HLA-DRB5: variants seen among roughly 807,000 people sequenced by gnomAD.
HLA-DRB5 encodes major histocompatibility complex, class II, DR beta 5, also known as DR beta-5.
Under a neutral mutation model 22.4 loss-of-function variants are expected in HLA-DRB5, and 11 were observed. The ratio of observed to expected loss-of-function variants is 0.49; its 90% CI spans 0.31 to 0.81. HLA-DRB5 has a LOEUF of 0.81. Ranked by LOEUF, HLA-DRB5 falls within the 40% of genes least tolerant of loss-of-function variation. The pLI is 0.05. For synonymous variants in HLA-DRB5, 57 were observed against 106.0 expected, an observed-to-expected ratio of 0.54 and a Z score of 2.84; for missense variants, 106 against 274.4, an observed-to-expected ratio of 0.39 and a Z score of 4.34.
chr6:32,519,875 T>C (rs1297035691), intron 2 of HLA-DRB5, among the ~76,000 whole-genome samples: 3 of 99,148 alleles, frequency 3.0e-5, no homozygotes, highest in Admixed American at 2.3e-4. Context: ...TCTTCATCAC[T>C]TGAAATTGGG....
chr6:32,529,792 A>G (rs1401313401), intron 1 of HLA-DRB5, among the ~76,000 whole-genome samples: 15 of 144,586 alleles, frequency 1.0e-4, no homozygotes, highest in Admixed American at 8.3e-4. Flanking sequence ...GACATAGGTC[A>G]ACATAATAAA....
chr6:32,519,841 G>T (rs1281151897), intron 2 of HLA-DRB5, among the ~76,000 whole-genome samples, 190 bp from the exon 3 acceptor site: 27 of 74,234 alleles, frequency 3.6e-4, no homozygotes, highest in Middle Eastern at 6.1e-3. Flanking sequence ...TCAGATTTGA[G>T]AGATGTGAAA....
chr6:32,521,545 T>TC (rs1562431832), intron 2 of HLA-DRB5, among the ~76,000 whole-genome samples: 1 of 81,146 alleles, frequency 1.2e-5, no homozygotes, highest in Non-Finnish European at 2.5e-5. Context: ...CCTTACACTT[T>TC]CCTTCCCTGC....
At chr6:32,524,435 C>A (rs1769337133) in intron 1 of HLA-DRB5, among the ~76,000 whole-genome samples, 1 of 123,172 alleles carries the variant, frequency 8.1e-6, no homozygotes, top group Admixed American at 8.3e-5. Context: ...TTTCAGTCTC[C>A]CACTCCCAAC....
At chr6:32,529,044 TAG>T (rs1491019683) in intron 1 of HLA-DRB5, among the ~76,000 whole-genome samples, 3 of 111,784 alleles carry the variant, frequency 2.7e-5, no homozygotes, top group Non-Finnish European at 6.3e-5. Flanking sequence ...TGGGGAAAAA[TAG>T]AGAGAAACTG....
chr6:32,525,809 T>C (rs113857565), intron 1 of HLA-DRB5, among the ~76,000 whole-genome samples: 31,636 of 129,616 alleles, frequency 0.24, 509 homozygotes, highest in Admixed American at 0.3. Flanking sequence ...ACATGGCATA[T>C]ACTGATGGAG....
chr6:32,524,503 A>G (rs1398598480), intron 1 of HLA-DRB5, among the ~76,000 whole-genome samples: 1 of 95,236 alleles, frequency 1.1e-5, no homozygotes, highest in African/African-American at 3.7e-5. Flanking sequence ...TTGGTTTTGT[A>G]GTCAAGTCCC....
At chr6:32,525,679 A>ATC (rs1255897880) in intron 1 of HLA-DRB5, among the ~76,000 whole-genome samples, 1,440 of 75,538 alleles carry the variant, frequency 0.019, no homozygotes, top group Middle Eastern at 0.096. Flanking sequence ...TTTACTTATA[A>ATC]CCTTTCAATT....
intron 1 of HLA-DRB5, among the ~76,000 whole-genome samples, chr6:32,524,494 T>C (rs76564302): frequency 0.11 from 8,493 of 75,912 alleles, 974 homozygotes; most frequent in East Asian, 0.16. Context: ...ATAGAACTCT[T>C]GGTTTTGTAG....
intron 2 of HLA-DRB5, among the ~76,000 whole-genome samples, chr6:32,521,492 C>T (rs112477119): frequency 0.2 from 22,888 of 112,520 alleles, 954 homozygotes; most frequent in Admixed American, 0.24. Context: ...TCTTCCACAC[C>T]CCTCAGCTCT....
rs374443944 is a variant in HLA-DRB5, at chr6:32,518,618, C to A, written c.701G>T (p.Gly234Val). Residue 234 changes from glycine (G) to valine (V), a missense_variant, in exon 4 of 6, where the codon GGC (glycine) becomes GTC (valine). Coordinates refer to ENST00000374975, the MANE Select transcript of HLA-DRB5 (RefSeq NM_002125.4). Reference protein sequence around the residue: ...AQSKMLSGVGGFVLGLLFLGA... With the variant: ...AQSKMLSGVGVFVLGLLFLGA... ...AAGGAAGAGCAGGCCCAGCACAAAG[C>A]CCCCGACTCCACTCAGCATCTTGCT... 1 of 665,282 alleles carries A rather than the reference C, an allele frequency of 1.5e-6. No individual in the cohort carries two copies. The highest frequency in any genetic ancestry group is 2.0e-6 in the Non-Finnish European group (1 of 494,980). The allele number at this position is 665,282 out of a possible 1,614,324, so 41.2% of individuals were successfully genotyped here.
At chr6:32,520,533 A>G (rs148902299) in intron 2 of HLA-DRB5, among the ~76,000 whole-genome samples, 1 of 72,386 alleles carries the variant, frequency 1.4e-5, no homozygotes, top group Admixed American at 1.6e-4. Flanking sequence ...GCAAACAAGC[A>G]TAACTATTAT....
At chr6:32,524,249 G>C (rs113436343) in intron 1 of HLA-DRB5, among the ~76,000 whole-genome samples, 27,738 of 123,214 alleles carry the variant, frequency 0.23, 720 homozygotes, top group Admixed American at 0.28. Context: ...TGAACTTGTT[G>C]AGAACTAAGA....
At chr6:32,523,030 A>G (rs7766884) in intron 1 of HLA-DRB5, among the ~76,000 whole-genome samples, 16,991 of 103,704 alleles carry the variant, frequency 0.16, 93 homozygotes, top group Admixed American at 0.21. Context: ...AGGGTAAAAG[A>G]TTAGACTGGA....
At chr6:32,529,991 A>G in intron 1 of HLA-DRB5, 134 bp downstream of exon 1, 1 of 598,640 alleles carries the variant, frequency 1.7e-6, no homozygotes, top group Non-Finnish European at 3.0e-6. Context: ...ATAATTTGGG[A>G]TCCCATGATA....
At chr6:32,528,721 C>T (rs57343668) in intron 1 of HLA-DRB5, among the ~76,000 whole-genome samples, 4,240 of 39,610 alleles carry the variant, frequency 0.11, 1,979 homozygotes, top group Middle Eastern at 0.27. Context: ...TCCTAGCATG[C>T]TGGGAGGCCA....
intron 1 of HLA-DRB5, among the ~76,000 whole-genome samples, chr6:32,526,630 G>C (rs113032615): frequency 0.17 from 5,826 of 34,416 alleles, 2,684 homozygotes; most frequent in Middle Eastern, 0.54. Flanking sequence ...CGCCATTCTC[G>C]TGCTTCAGCC....
chr6:32,518,596 G>C lies in HLA-DRB5; in HGVS notation c.723C>G (p.Phe241Leu). The C allele has an allele frequency of 1.6e-6, 1 of 637,838 alleles. No homozygotes were observed. Among genetic ancestry groups the C allele is most frequent in the Non-Finnish European group, 2.1e-6 (1 of 467,754 alleles). 39.5% of individuals were successfully genotyped at this position (637,838 alleles called of 1,614,324 possible). A position where few individuals can be genotyped will look rare whatever the true frequency, so the allele number is the denominator to read the frequency against. Reference protein sequence around the residue: ...GVGGFVLGLLFLGAGLFIYFK... With the variant: ...GVGGFVLGLLLLGAGLFIYFK... ...AGTAGATGAATAGCCCGGCCCCAAG[G>C]AAGAGCAGGCCCAGCACAAAGCCCC... is the stretch of plus-strand genomic sequence containing the variant. The change falls in exon 4 of 6, where the codon TTC (phenylalanine) becomes TTG (leucine). Residue 241 changes from phenylalanine to leucine, a missense_variant. Phe to Leu is a conservative substitution (Grantham distance 22). Transcript: ENST00000374975.
intron 1 of HLA-DRB5, among the ~76,000 whole-genome samples, chr6:32,528,213 T>C (rs1477958367): frequency 2.2e-5 from 2 of 92,616 alleles, no homozygotes; most frequent in African/African-American, 9.3e-5. Flanking sequence ...AGTAGGTGAA[T>C]CCATTTCTCT....
Sources: gnomAD v4.1 joint callset for allele counts (sites outside exome capture counted in the v4.1 genomes callset) on GRCh38, gnomAD v4.1.1 for gene constraint, MANE v1.5 for transcripts, NCBI Gene and HGNC (gene_info 2026-07-23, HGNC 2026-07-21) for gene names.